Variants in KRT1 observed in about 807,000 individuals in gnomAD.
KRT1 encodes keratin 1, also known as keratin, type II cytoskeletal 1.
Under a neutral mutation model 51.6 loss-of-function variants are expected in KRT1, and 28 were observed. The observed-to-expected ratio is 0.54, with a 90% confidence interval of 0.40 to 0.74. The LOEUF (loss-of-function observed/expected upper bound fraction) is 0.74. KRT1 is among the 30% of genes least tolerant of loss of function. The pLI is 0.00. For missense variants in KRT1, 783 were observed against 815.5 expected, an observed-to-expected ratio of 0.96 and a Z score of 0.49; for synonymous variants, 301 against 307.7, an observed-to-expected ratio of 0.98 and a Z score of 0.23.
chr12:52,678,193 A>G lies in KRT1; in HGVS notation c.837T>C (p.Asn279=). Residue 279 remains asparagine, a synonymous_variant, in exon 3 of 9, where the codon AAT becomes AAC. Coordinates refer to ENST00000252244, the MANE Select transcript of KRT1 (RefSeq NM_006121.4). ...TGATGGTCACAAATTCATTCTCTGC[A>G]TTTGTCCGCTTGTTGATTTCATCCT... The part of the protein sequence containing the change: ...KYEDEINKRT[N]AENEFVTIKK... 6.2e-7 allele frequency: 1 copy of G among 1,613,998 alleles called. No homozygotes were observed. The highest frequency in any genetic ancestry group is 2.2e-5 in the East Asian group (1 of 44,896).
Position 52,675,551 on chromosome 12 carries a change from C to A in KRT1, c.1577G>T (p.Gly526Val), listed in dbSNP as rs746888434. The A allele has an allele frequency of 2.3e-5, 37 of 1,611,304 alleles. 1 individual carries two copies. In the South Asian group the frequency reaches 3.2e-4, roughly 14 times the overall value. The change falls in exon 9 of 9, where the codon GGC (glycine) becomes GTC (valine). Residue 526 changes from glycine to valine, a missense_variant. Gly to Val is a moderately radical substitution (Grantham distance 109, BLOSUM62 -3). Coordinates refer to ENST00000252244, the MANE Select transcript of KRT1 (RefSeq NM_006121.4). ...GSRGGGGGGY[G>V]SGGSSYGSGG... ...GGAGCCATAGCTGCTACCTCCAGAG[C>A]CGTAGCCACCGCCGCCACCTCCTCG...
chr12:52,676,556 A>G (rs1941507040), intron 6 of KRT1, 61 bp from the exon 7 acceptor site: 4 of 1,551,832 alleles, frequency 2.6e-6, no homozygotes, highest in African/African-American at 1.4e-5. Flanking sequence ...CCTCATCCCA[A>G]TTGGTCTCCC....
chr12:52,677,428 A>C lies in KRT1; in HGVS notation c.1016T>G (p.Met339Arg), dbSNP rs762323767. Residue 339 changes from methionine to arginine, a missense_variant, in exon 5 of 9, where the codon ATG becomes AGG. By Grantham distance (91) the Met-to-Arg change is moderately conservative. Coordinates refer to ENST00000252244, the MANE Select transcript of KRT1 (RefSeq NM_006121.4). ...QISETNVILS[M>R]DNNRSLDLDS... ...CAGGTCGAGACTGCGGTTGTTGTCCATAGAGAGGATGACATTAGTTTCACT... is the reference window on the plus strand; with the variant it reads ...CAGGTCGAGACTGCGGTTGTTGTCCCTAGAGAGGATGACATTAGTTTCACT... The C allele has an allele frequency of 6.2e-7, 1 of 1,614,256 alleles. No individual in the cohort carries two copies. Among genetic ancestry groups the C allele is most frequent in the South Asian group, 1.1e-5 (1 of 91,090 alleles).
chr12:52,677,142 C>T lies in KRT1; in HGVS notation c.1171G>A (p.Val391Met). The T allele has an allele frequency of 6.2e-7, 1 of 1,614,190 alleles. No homozygotes were observed. Among genetic ancestry groups the T allele is most frequent in the Non-Finnish European group, 8.5e-7 (1 of 1,180,038 alleles). The part of the protein sequence containing the change: ...QITAGRHGDS[V>M]RNSKIEISEL... Reference sequence around the variant, plus strand: ...GAAATTTCTATCTTTGAATTTCTCACACTATCCCCATGTCTGCCAGCAGTG... The same window carrying T: ...GAAATTTCTATCTTTGAATTTCTCATACTATCCCCATGTCTGCCAGCAGTG... The change falls in exon 6 of 9, where the codon GTG becomes ATG. Residue 391 changes from valine to methionine, a missense_variant. Val to Met is a conservative substitution (Grantham distance 21, BLOSUM62 1). Transcript: ENST00000252244.
In KRT1 at chr12:52,675,339, C is replaced by T. The variant is rs1469539692; in HGVS notation, c.1789G>A (p.Gly597Ser). 1.9e-6 allele frequency: 3 copies of T among 1,609,576 alleles called. No homozygotes were observed. Among genetic ancestry groups the T allele is most frequent in the East Asian group, 2.2e-5 (1 of 44,868 alleles). The change falls in exon 9 of 9, where the codon GGC (glycine) becomes AGC (serine). Residue 597 changes from glycine to serine, a missense_variant. Gly to Ser is a moderately conservative substitution (Grantham distance 56). Transcript: ENST00000252244. ...YRGGSGGGGG[G>S]SSGGRGSGGG... ...CCAGAGCCCCGGCCGCCAGAGCTGC[C>T]GCCGCCGCCGCCTCCAGAGCCACCT...
chr12:52,675,674 C>G, intron 8 of KRT1, 36 bp downstream of exon 8: 1 of 1,614,248 alleles, frequency 6.2e-7, no homozygotes, highest in African/African-American at 1.3e-5. Flanking sequence ...CCCAACAAAG[C>G]CTGCACATGC....
intron 2 of KRT1, 71 bp downstream of exon 2, chr12:52,678,471 G>C (rs1941541749): frequency 4.2e-6 from 6 of 1,443,774 alleles, no homozygotes; most frequent in African/African-American, 1.4e-5. Flanking sequence ...GCTGCTTCAT[G>C]ATCTTAGCTT....
At chr12:52,679,730 C>G in intron 1 of KRT1, 28 bp downstream of exon 1, 1 of 1,597,360 alleles carries the variant, frequency 6.3e-7, no homozygotes, top group South Asian at 1.1e-5. Flanking sequence ...AGCGGCAGCC[C>G]TACCAGTGCA....
chr12:52,675,451 G>GTAGCTGCTACCTCCGGAGCCA lies in KRT1; in HGVS notation c.1656_1676dup (p.Ser557_Gly563dup), dbSNP rs747549964. ...AGCCATAGCTGCCACCTCCGGAGCC[G>GTAGCTGCTACCTCCGGAGCCA]TAGCTGCTACCTCCGGAGCCATAGC... is the stretch of plus-strand genomic sequence containing the variant. On this transcript the variant is annotated inframe_insertion, in exon 9 of 9. Transcript: ENST00000252244. The GTAGCTGCTACCTCCGGAGCCA allele has an allele frequency of 2.1e-6, 1 of 473,732 alleles. No homozygotes were observed. Among genetic ancestry groups the GTAGCTGCTACCTCCGGAGCCA allele is most frequent in the Admixed American group, 5.0e-5 (1 of 19,928 alleles). 29.3% of individuals were successfully genotyped at this position (473,732 alleles called of 1,614,324 possible).
Position 52,675,248 on chromosome 12 carries a change from C to A in KRT1, c.1880G>T (p.Gly627Val). The A allele has an allele frequency of 6.2e-7, 1 of 1,613,938 alleles. No homozygotes were observed. The highest frequency in any genetic ancestry group is 8.5e-7 in the Non-Finnish European group (1 of 1,180,026). Residue 627 changes from glycine (G) to valine (V), a missense_variant, in exon 9 of 9, where the codon GGT becomes GTT. Physicochemically the swap from Gly to Val is moderately radical, Grantham distance 109. Transcript: ENST00000252244. ...GSSSGGVKSS[G>V]GSSSVKFVST... The stretch of plus-strand genomic sequence containing the variant: ...AACAAACTTCACGCTGGAACTGCCA[C>A]CAGAGGACTTGACACCCCCAGAGCT...
intron 2 of KRT1, 138 bp from the exon 3 acceptor site, chr12:52,678,361 G>T: frequency 5.8e-6 from 6 of 1,042,532 alleles, no homozygotes; most frequent in Non-Finnish European, 7.3e-6. Flanking sequence ...TTTCTACTGA[G>T]CAATAAAACC....
chr12:52,677,614 C>T (rs1426657808), intron 4 of KRT1, 36 bp downstream of exon 4: 1 of 1,609,156 alleles, frequency 6.2e-7, no homozygotes, highest in East Asian at 2.2e-5. Context: ...AAAAACTCTC[C>T]ATTTAGATAA....
chr12:52,675,943 A>G (rs948485895), intron 7 of KRT1, among the ~76,000 whole-genome samples, 199 bp from the exon 8 acceptor site: 2 of 152,016 alleles, frequency 1.3e-5, no homozygotes, highest in African/African-American at 4.8e-5. Flanking sequence ...AGAAATTCCC[A>G]TATAAACGAG....
intron 4 of KRT1, 66 bp from the exon 5 acceptor site, chr12:52,677,546 G>T (rs1941528602): frequency 3.7e-6 from 6 of 1,608,112 alleles, no homozygotes; most frequent in African/African-American, 1.3e-5. Flanking sequence ...GACAGAGAAA[G>T]CAGTCAGAAA....
intron 4 of KRT1, 21 bp from the exon 5 acceptor site, chr12:52,677,501 G>A: frequency 6.2e-7 from 1 of 1,614,206 alleles, no homozygotes; most frequent in African/African-American, 1.3e-5. Flanking sequence ...TAATAGGTTA[G>A]TGACTCTTAC....
At position 52,680,198 on chromosome 12, in the gene KRT1, C is replaced by A. The variant is rs1412235362; in HGVS notation, c.151G>T (p.Gly51Cys). The change falls in exon 1 of 9, where the codon GGT becomes TGT. Residue 51 changes from glycine (G) to cysteine (C), a missense_variant. Physicochemically the swap from Gly to Cys is radical, Grantham distance 159. Coordinates refer to ENST00000252244, the MANE Select transcript of KRT1 (RefSeq NM_006121.4). ...GGGGRFSSCG[G>C]GGGSFGAGGG... The stretch of plus-strand genomic sequence containing the variant: ...CCAGCACCAAAGCTACCACCACCAC[C>A]ACCACAGCTTGAAAATCTCCCACCA... The A allele has an allele frequency of 6.2e-7, 1 of 1,613,864 alleles. No individual in the cohort carries two copies. Among genetic ancestry groups the A allele is most frequent in the Admixed American group, 1.7e-5 (1 of 59,988 alleles).
At chr12:52,679,023 T>C (rs1941548517) in intron 1 of KRT1, among the ~76,000 whole-genome samples, 1 of 152,216 alleles carries the variant, frequency 6.6e-6, no homozygotes, top group African/African-American at 2.4e-5. Flanking sequence ...GTGCATGGTA[T>C]TTAAGAGATT....
Position 52,675,064 on chromosome 12 carries a change from A to T in KRT1, c.*129T>A. ...GAAAAGAAAGAGCTGGGGGAATAGG[A>T]TGAGCTAGTGTAACTAACCATAGCT... On this transcript the variant is annotated 3_prime_UTR_variant, in exon 9 of 9. Transcript: ENST00000252244. The T allele has an allele frequency of 2.5e-6, 3 of 1,188,874 alleles. No homozygotes were observed. The highest frequency in any genetic ancestry group is 3.8e-6 in the Non-Finnish European group (3 of 795,086). The allele number at this position is 1,188,874 out of a possible 1,614,324, so 73.6% of individuals were successfully genotyped here.
chr12:52,674,936 G>C lies in KRT1; in HGVS notation c.*257C>G. 1 of 608,182 alleles carries C rather than the reference G, an allele frequency of 1.6e-6. No individual in the cohort carries two copies. The allele number at this position is 608,182 out of a possible 1,614,324, so 37.7% of individuals were successfully genotyped here. ...GGAGGTGCTTTGAAATGTCATGTGG[G>C]TGGTGGTCACTGCTGAACTGTTTCT... is the stretch of plus-strand genomic sequence containing the variant. On this transcript the variant is annotated 3_prime_UTR_variant, in exon 9 of 9. Transcript: ENST00000252244.
Sources: gnomAD v4.1 joint callset for allele counts (sites outside exome capture counted in the v4.1 genomes callset) on GRCh38, gnomAD v4.1.1 for gene constraint, MANE v1.5 for transcripts, NCBI Gene and HGNC (gene_info 2026-07-23, HGNC 2026-07-21) for gene names.